Variants in MMP25 observed in about 807,000 individuals in gnomAD.
The protein encoded by MMP25 is matrix metalloproteinase-25.
Under a neutral mutation model 62.1 loss-of-function variants are expected in MMP25, and 68 were observed. The ratio of observed to expected loss-of-function variants is 1.10; its 90% confidence interval spans 0.90 to 1.34. The LOEUF (loss-of-function observed/expected upper bound fraction) is 1.34, where lower values mean the gene tolerates loss of function less well. Ranked by LOEUF, MMP25 falls within the 40% of genes most tolerant of loss-of-function variation. The pLI, the probability that MMP25 is intolerant of heterozygous loss-of-function variation, is 0.00. For synonymous variants in MMP25, 407 were observed against 345.6 expected, an observed-to-expected ratio of 1.18 and a Z score of -1.97; for missense variants, 942 against 792.5, an observed-to-expected ratio of 1.19 and a Z score of -2.26.
rs1412517369 is a variant in MMP25, at chr16:3,058,451, G to A, written c.1199G>A (p.Gly400Asp). Residue 400 changes from glycine (G) to aspartate (D), a missense_variant, in exon 9 of 10, where the codon GGC (glycine) becomes GAC (aspartate). Coordinates refer to ENST00000336577, the MANE Select transcript of MMP25 (RefSeq NM_022468.5). ...FWVFQDRQLE[G>D]GARPLTELGL... ...GTGTTCCAGGACCGGCAGCTGGAGG[G>A]CGGGGCGCGGCCGCTCACGGAGCTG... 1 of 1,592,542 alleles carries A rather than the reference G, an allele frequency of 6.3e-7. No homozygotes were observed. Among genetic ancestry groups the A allele is most frequent in the Non-Finnish European group, 8.5e-7 (1 of 1,170,586 alleles).
chr16:3,057,668 C>T (rs1956037357), intron 7 of MMP25, 55 bp downstream of exon 7: 1 of 1,480,010 alleles, frequency 6.8e-7, no homozygotes, highest in African/African-American at 1.4e-5. Context: ...CTTCCAGTGA[C>T]CCACTGGGGC....
rs1162368994 is a variant in MMP25, at chr16:3,060,617, G to C, written c.*1519G>C. The stretch of plus-strand genomic sequence containing the variant: ...TTACCTGGGAATTCTGGGCTGCCAG[G>C]AAACGATTTGGGCCTCTGTCAGTTT... On this transcript the variant is annotated 3_prime_UTR_variant, in exon 10 of 10. Transcript: ENST00000336577. The C allele has an allele frequency of 1.3e-5, 2 of 152,240 alleles. No individual in the cohort carries two copies. Among genetic ancestry groups the C allele is most frequent in the Non-Finnish European group, 2.9e-5 (2 of 68,044 alleles). 9.4% of individuals were successfully genotyped at this position (152,240 alleles called of 1,614,324 possible).
In MMP25 at chr16:3,046,821, C is replaced by A. The variant is rs1955826384; in HGVS notation, c.-97C>A. 1.6e-6 allele frequency: 1 copy of A among 618,538 alleles called. No individual in the cohort carries two copies. Among genetic ancestry groups the A allele is most frequent in the Non-Finnish European group, 2.5e-6 (1 of 398,696 alleles). 38.3% of individuals were successfully genotyped at this position (618,538 alleles called of 1,614,324 possible). On this transcript the variant is annotated 5_prime_UTR_variant, in exon 1 of 10. Coordinates refer to ENST00000336577, the MANE Select transcript of MMP25 (RefSeq NM_022468.5). ...TCCCTACTCGGTGCCGGGTGCCCCC[C>A]GCCCTCTCCAGGCCCGGATCTCCTC...
intron 4 of MMP25, 143 bp from the exon 5 acceptor site, chr16:3,056,890 G>A (rs1956018609): frequency 1.3e-6 from 1 of 752,832 alleles, no homozygotes; most frequent in East Asian, 2.8e-5. Flanking sequence ...GAGAGTTCAG[G>A]AAGGGCTGGG....
Position 3,050,308 on chromosome 16 carries a change from C to A in MMP25, c.423C>A (p.Leu141=). Residue 141 remains leucine, a synonymous_variant, in exon 4 of 10, where the codon CTC becomes CTA. Transcript: ENST00000336577. ...SQLSQETVRV[L]MSYALMAWGM... ...TGAGCCAGGAGACCGTGCGGGTCCT[C>A]ATGAGCTATGCCCTGATGGCCTGGG... The A allele has an allele frequency of 3.1e-6, 5 of 1,613,390 alleles. No individual in the cohort carries two copies. Among genetic ancestry groups the A allele is most frequent in the Non-Finnish European group, 4.2e-6 (5 of 1,179,624 alleles).
rs1426845461 is a variant in MMP25 at position 3,058,577 on chromosome 16, C to T, written c.1325C>T (p.Ala442Val). 1 of 1,608,856 alleles carries T rather than the reference C, an allele frequency of 6.2e-7. No individual in the cohort carries two copies. The highest frequency in any genetic ancestry group is 8.5e-7 in the Non-Finnish European group (1 of 1,178,462). ...CGGCAGTACTGGCGCTACGACGAGG[C>T]GGCGGCGCGCCCGGACCCCGGCTAC... The part of the protein sequence containing the change: ...RGRQYWRYDE[A>V]AARPDPGYPR... Residue 442 changes from alanine (A) to valine (V), a missense_variant, in exon 9 of 10, where the codon GCG becomes GTG. Transcript: ENST00000336577.
chr16:3,054,592 G>A (rs1438584169), intron 4 of MMP25: 1 of 153,208 alleles, frequency 6.5e-6, no homozygotes, highest in African/African-American at 2.5e-5. Context: ...GGGGATGGAT[G>A]GATGGACAGA....
rs1344547461 is a variant in MMP25 at position 3,058,881 on chromosome 16, T to G, written c.1472T>G (p.Ile491Ser). Residue 491 changes from isoleucine to serine, a missense_variant, in exon 10 of 10, where the codon ATC (isoleucine) becomes AGC (serine). Transcript: ENST00000336577. ...TACTGGCGCTTCCCCAAGAACAGCATCAAGACCGAGCCGGACGCCCCCCAG... is the reference window on the plus strand; with the variant it reads ...TACTGGCGCTTCCCCAAGAACAGCAGCAAGACCGAGCCGGACGCCCCCCAG... ...AHYWRFPKNS[I>S]KTEPDAPQPM... 1.9e-6 allele frequency: 3 copies of G among 1,557,492 alleles called. No homozygotes were observed. The highest frequency in any genetic ancestry group is 2.7e-5 in the African/African-American group (2 of 73,894).
At chr16:3,048,347 C>T (rs768635943) in intron 2 of MMP25, among the ~76,000 whole-genome samples, 19 of 152,194 alleles carry the variant, frequency 1.2e-4, no homozygotes, top group African/African-American at 4.6e-4. Context: ...ATGCCACGCC[C>T]TTTCAGCTCC....
chr16:3,048,595 A>C (rs1361235044), intron 2 of MMP25, among the ~76,000 whole-genome samples: 1 of 152,060 alleles, frequency 6.6e-6, no homozygotes, highest in African/African-American at 2.4e-5. Flanking sequence ...CAGCCATGGG[A>C]AGATGTGGAA....
At chr16:3,048,970 TA>T (rs1955860066) in intron 2 of MMP25, among the ~76,000 whole-genome samples, 1 of 152,036 alleles carries the variant, frequency 6.6e-6, no homozygotes, top group African/African-American at 2.4e-5. Context: ...CATGCCCAGC[TA>T]ATTTTTTTGT....
chr16:3,054,414 A>G (rs4025755), intron 4 of MMP25: 20,902 of 68,712 alleles, frequency 0.3, 5,442 homozygotes, highest in East Asian at 0.6. Flanking sequence ...GCACAGAGGC[A>G]GGGATGGATG....
intron 7 of MMP25, 118 bp downstream of exon 7, chr16:3,057,731 C>A: frequency 1.1e-6 from 1 of 937,436 alleles, no homozygotes. Flanking sequence ...CAGGGTCTTG[C>A]TTTGTTGCCT....
At position 3,059,815 on chromosome 16, in the gene MMP25, G is replaced by A. The variant is rs189632157; in HGVS notation, c.*717G>A. 4 of 152,326 alleles carry A rather than the reference G, an allele frequency of 2.6e-5. No individual in the cohort carries two copies. In the East Asian group the frequency reaches 5.8e-4, roughly 22 times the overall value. 9.4% of individuals were successfully genotyped at this position (152,326 alleles called of 1,614,324 possible). ...CACGTCCTGGGTGGTGGAATCAGTG[G>A]CTGGAGGGACGACCCTTGCTCTCCA... is the stretch of plus-strand genomic sequence containing the variant. On this transcript the variant is annotated 3_prime_UTR_variant, in exon 10 of 10. Transcript: ENST00000336577.
rs758025741 is a variant in MMP25, at chr16:3,057,563, G to A, written c.956G>A (p.Gly319Asp). 3.1e-6 allele frequency: 5 copies of A among 1,614,006 alleles called. No homozygotes were observed. Among genetic ancestry groups the A allele is most frequent in the Middle Eastern group, 3.3e-4 (2 of 6,084 alleles). ...TTCCCCATCCCTGATCGATGTGAGG[G>A]CAATTTTGACGCCATCGCCAACATC... is the stretch of plus-strand genomic sequence containing the variant. ...PSFPIPDRCE[G>D]NFDAIANIRG... The change falls in exon 7 of 10, where the codon GGC (glycine) becomes GAC (aspartate). Residue 319 changes from glycine to aspartate, a missense_variant. Physicochemically the swap from Gly to Asp is moderately conservative, Grantham distance 94. Transcript: ENST00000336577.
At chr16:3,053,640 A>C (rs1376204833) in intron 4 of MMP25, 1 of 151,938 alleles carries the variant, frequency 6.6e-6, no homozygotes, top group African/African-American at 2.4e-5. Flanking sequence ...GAAAGGGTGG[A>C]ACGTGACTGT....
Position 3,059,063 on chromosome 16 carries a change from T to C in MMP25, c.1654T>C (p.Leu552=), listed in dbSNP as rs980793559. 1 of 1,550,032 alleles carries C rather than the reference T, an allele frequency of 6.5e-7. No homozygotes were observed. The highest frequency in any genetic ancestry group is 1.4e-5 in the African/African-American group (1 of 73,038). The change falls in exon 10 of 10, where the codon TTG becomes CTG. Residue 552 remains leucine (L), a synonymous_variant. Coordinates refer to ENST00000336577, the MANE Select transcript of MMP25 (RefSeq NM_022468.5). The part of the protein sequence containing the change: ...RWPAPIPLLL[L]PLLVGGVASR The stretch of plus-strand genomic sequence containing the variant: ...GCCTGCTCCCATCCCGCTGCTCCTC[T>C]TGCCCCTGCTGGTGGGGGGTGTAGC...
chr16:3,058,704 T>TG lies in MMP25; in HGVS notation c.1417+40dup, dbSNP rs747535469. 1.6e-5 allele frequency: 24 copies of TG among 1,529,794 alleles called. No individual in the cohort carries two copies. In the South Asian group the frequency reaches 2.8e-4, roughly 18 times the overall value. 94.8% of individuals were successfully genotyped at this position (1,529,794 alleles called of 1,614,324 possible). A position where few individuals can be genotyped will look rare whatever the true frequency, so the allele number is the denominator to read the frequency against. Reference sequence around the variant, plus strand: ...GCGGTGACCTGCGGGTTACTGGGCCTGGGGGTGGGGAGAGGGATGTGGGGA... The same window carrying TG: ...GCGGTGACCTGCGGGTTACTGGGCCTGGGGGGTGGGGAGAGGGATGTGGGGA... On this transcript the variant is annotated intron_variant, in intron 9 of 9. Coordinates refer to ENST00000336577, the MANE Select transcript of MMP25 (RefSeq NM_022468.5).
chr16:3,050,775 G>A (rs1000506108), intron 4 of MMP25, among the ~76,000 whole-genome samples: 2 of 152,080 alleles, frequency 1.3e-5, no homozygotes, highest in African/African-American at 4.8e-5. Context: ...ACCATACCTG[G>A]CTATTTTTTT....
Sources: allele counts gnomAD v4.1 joint callset (sites outside exome capture counted in the v4.1 genomes callset), GRCh38; gene constraint gnomAD v4.1.1; transcripts MANE v1.5; gene names NCBI Gene and HGNC (gene_info 2026-07-23, HGNC 2026-07-21).